MYCT1: variants seen among roughly 807,000 people sequenced by gnomAD.
MYCT1 encodes myc target protein 1.
A neutral mutation model predicts 15.0 loss-of-function variants in MYCT1; 12 were observed. The ratio of observed to expected loss-of-function variants is 0.80; its 90% CI spans 0.51 to 1.29. MYCT1 has a LOEUF of 1.29. MYCT1 is among the 50% of genes most tolerant of loss of function. The pLI is 0.00. For missense variants in MYCT1, 287 were observed against 279.1 expected (o/e 1.03, Z -0.20); for synonymous variants, 104 against 102.7 (o/e 1.01, Z -0.07).
intron 1 of MYCT1, among the ~76,000 whole-genome samples, chr6:152,702,948 G>A (rs12055774): frequency 0.065 from 9,832 of 152,174 alleles, 487 homozygotes; most frequent in East Asian, 0.17. Context: ...ACAGATGTGA[G>A]ATGGAACCCA....
At chr6:152,708,177 T>G (rs1026044310) in intron 1 of MYCT1, among the ~76,000 whole-genome samples, 3 of 151,934 alleles carry the variant, frequency 2.0e-5, no homozygotes, top group African/African-American at 7.2e-5. Flanking sequence ...ATTTCAAAAT[T>G]TGTGGTGCAG....
In MYCT1 at chr6:152,723,019, C is replaced by G. The variant is rs563801606; in HGVS notation, c.*766C>G. On this transcript the variant is annotated 3_prime_UTR_variant, in exon 2 of 2. Transcript: ENST00000367245. Reference sequence around the variant, plus strand: ...GGCCTCCCAAAGTGCTGGAATTAGCCTGGCCAATCTTGGATTTTTAATGGA... The same window carrying G: ...GGCCTCCCAAAGTGCTGGAATTAGCGTGGCCAATCTTGGATTTTTAATGGA... 1 of 157,078 alleles carries G rather than the reference C, an allele frequency of 6.4e-6. No individual in the cohort carries two copies. The highest frequency in any genetic ancestry group is 1.9e-4 in the East Asian group (1 of 5,372). 9.7% of individuals were successfully genotyped at this position (157,078 alleles called of 1,614,324 possible). A position where few individuals can be genotyped will look rare whatever the true frequency, so the allele number is the denominator to read the frequency against.
At chr6:152,745,623 T>C in the MYCT1 span, among the ~76,000 whole-genome samples, 8 of 152,214 alleles carry the variant, frequency 5.3e-5, no homozygotes, top group African/African-American at 1.7e-4. Flanking sequence ...TCTAAGCTTC[T>C]GACAGAGCAA....
At chr6:152,744,373 C>T in the MYCT1 span, among the ~76,000 whole-genome samples, 1 of 152,114 alleles carries the variant, frequency 6.6e-6, no homozygotes, top group South Asian at 2.1e-4. Context: ...CTGAAGCTAT[C>T]CAATCCTAAA....
At chr6:152,743,617 C>A in the MYCT1 span, among the ~76,000 whole-genome samples, 2 of 152,220 alleles carry the variant, frequency 1.3e-5, no homozygotes, top group South Asian at 4.1e-4. Flanking sequence ...CCCCACTCCC[C>A]ACTCTCCATG....
the MYCT1 span, among the ~76,000 whole-genome samples, chr6:152,740,353 A>T: frequency 6.6e-6 from 1 of 152,112 alleles, no homozygotes; most frequent in African/African-American, 2.4e-5. Context: ...CCAGGCCGGA[A>T]ATATTATAAT....
At chr6:152,740,981 T>C in the MYCT1 span, among the ~76,000 whole-genome samples, 2 of 152,146 alleles carry the variant, frequency 1.3e-5, no homozygotes, top group African/African-American at 4.8e-5. Flanking sequence ...CTGTGATAAA[T>C]GTATACGAGC....
the MYCT1 span, among the ~76,000 whole-genome samples, chr6:152,731,549 T>G: frequency 6.6e-6 from 1 of 152,128 alleles, no homozygotes; most frequent in African/African-American, 2.4e-5. Context: ...GGCCCTGGTG[T>G]GTGGTGTTCC....
At position 152,724,394 on chromosome 6, in the gene MYCT1, A is replaced by G. The variant is rs2099725253; in HGVS notation, c.*2141A>G. 2 of 152,210 alleles carry G rather than the reference A, an allele frequency of 1.3e-5. No homozygotes were observed. The highest frequency in any genetic ancestry group is 1.3e-4 in the Admixed American group (2 of 15,280). The allele number at this position is 152,210 out of a possible 1,614,324, so 9.4% of individuals were successfully genotyped here. ...CAGAAATCCTCTGGGGCATTTAACC[A>G]TCTGGCAGAATTGTTGCTGCACCCT... is the stretch of plus-strand genomic sequence containing the variant. On this transcript the variant is annotated 3_prime_UTR_variant, in exon 2 of 2. Transcript: ENST00000367245.
chr6:152,745,378 A>G, the MYCT1 span, among the ~76,000 whole-genome samples: 39,758 of 152,026 alleles, frequency 0.26, 6,917 homozygotes, highest in African/African-American at 0.5. Flanking sequence ...CAGGAGGATC[A>G]CTTGAGCTCA....
chr6:152,745,090 C>T, the MYCT1 span, among the ~76,000 whole-genome samples: 8 of 152,220 alleles, frequency 5.3e-5, no homozygotes, highest in East Asian at 3.9e-4. Flanking sequence ...ATCCTGCCCC[C>T]GTGCTCCATT....
At chr6:152,739,562 A>G in the MYCT1 span, among the ~76,000 whole-genome samples, 15 of 152,114 alleles carry the variant, frequency 9.9e-5, no homozygotes, top group East Asian at 2.5e-3. Flanking sequence ...GTAATGATTT[A>G]TGATGGAACA....
rs575870760 is a variant in MYCT1 at position 152,722,191 on chromosome 6, G to A, written c.646G>A (p.Gly216Ser). 5 of 1,614,004 alleles carry A rather than the reference G, an allele frequency of 3.1e-6. No homozygotes were observed. In the East Asian group the frequency reaches 8.9e-5, roughly 29 times the overall value. Residue 216 changes from glycine (G) to serine (S), a missense_variant, in exon 2 of 2, where the codon GGC (glycine) becomes AGC (serine). By Grantham distance (56) the Gly-to-Ser change is moderately conservative (BLOSUM62 0). Transcript: ENST00000367245. ...DYWSSNSLRV[G>S]LSTPPPPAYE... ...CTGGTCCAGTAACAGTCTTCGAGTG[G>A]GCCTTTCAACACCGCCCCCACCTGC...
chr6:152,739,053 T>C, the MYCT1 span, among the ~76,000 whole-genome samples: 1 of 151,918 alleles, frequency 6.6e-6, no homozygotes, highest in Non-Finnish European at 1.5e-5. Flanking sequence ...AAAATACAGC[T>C]CCTGTTAACA....
Position 152,721,944 on chromosome 6 carries a change from T to C in MYCT1, c.399T>C (p.Arg133=), listed in dbSNP as rs2099724786. ...TGFYRHSGCE[R]RSNLSLASLT... The stretch of plus-strand genomic sequence containing the variant: ...TTTACCGCCACAGTGGCTGTGAACG[T>C]CGAAGCAACCTCAGCCTGGCCAGTC... The change falls in exon 2 of 2, where the codon CGT becomes CGC. Residue 133 remains arginine, a synonymous_variant. Coordinates refer to ENST00000367245, the MANE Select transcript of MYCT1 (RefSeq NM_025107.3). The C allele has an allele frequency of 2.5e-6, 4 of 1,614,156 alleles. No homozygotes were observed. The East Asian group carries it at 6.7e-5, about 27-fold the overall frequency.
chr6:152,706,861 G>A (rs2099722366), intron 1 of MYCT1, among the ~76,000 whole-genome samples: 1 of 151,872 alleles, frequency 6.6e-6, no homozygotes, highest in Non-Finnish European at 1.5e-5. Context: ...GTGTGTGTGT[G>A]TGTGTGTGTG....
rs1373862064 is a variant in MYCT1 at position 152,708,864 on chromosome 6, T to A, written c.196+10766T>A. ...TGAAAGAGTATTTATTTTTTTATTT[T>A]TTTTTTTATTATACTCTAAGTTTTA... On this transcript the variant is annotated intron_variant, in intron 1 of 1. Transcript: ENST00000367245. 2.5e-4 allele frequency among the ~76,000 whole-genome samples: 18 copies of A among 72,444 alleles called. 6 individuals are homozygous for A. Among genetic ancestry groups the A allele is most frequent in the Non-Finnish European group, 5.0e-4 (15 of 30,274 alleles). The allele number at this position is 72,444 out of a possible 152,430, so 47.5% of individuals were successfully genotyped here.
the MYCT1 span, among the ~76,000 whole-genome samples, chr6:152,746,792 G>A: frequency 0.28 from 43,066 of 152,018 alleles, 8,223 homozygotes; most frequent in African/African-American, 0.54. Flanking sequence ...CACTTGCATT[G>A]TTCTTTCTAC....
Position 152,697,925 on chromosome 6 carries a change from G to A in MYCT1, c.23G>A (p.Gly8Glu). Residue 8 changes from glycine (G) to glutamate (E), a missense_variant, in exon 1 of 2, where the codon GGG becomes GAG. By Grantham distance (98) the Gly-to-Glu change is moderately conservative. Transcript: ENST00000367245. The stretch of plus-strand genomic sequence containing the variant: ...TTTATGCGAACACAAGTATATGAGG[G>A]GTTGTGTAAAAATTATTTTTCTCTT... MRTQVYE[G>E]LCKNYFSLAV... 6.3e-7 allele frequency: 1 copy of A among 1,592,168 alleles called. No individual in the cohort carries two copies. Among genetic ancestry groups the A allele is most frequent in the Non-Finnish European group, 8.5e-7 (1 of 1,171,450 alleles).
Sources: gnomAD v4.1 joint callset for allele counts (sites outside exome capture counted in the v4.1 genomes callset) on GRCh38, gnomAD v4.1.1 for gene constraint, MANE v1.5 for transcripts, NCBI Gene and HGNC (gene_info 2026-07-23, HGNC 2026-07-21) for gene names.